The following KMT2D variants were observed in gnomAD, a reference collection of about 807,000 sequenced individuals.
KMT2D encodes the protein histone-lysine N-methyltransferase 2D.
In KMT2D, 55 loss-of-function variants were observed where a neutral mutation model predicts 512.7. That is an observed-to-expected ratio of 0.11 (90% CI 0.09 to 0.13). KMT2D has a LOEUF of 0.13. Ranked by LOEUF, KMT2D falls within the 10% of genes least tolerant of loss-of-function variation. KMT2D has a pLI of 1.00. For missense variants in KMT2D, 6,061 were observed against 7,127.9 expected, an observed-to-expected ratio of 0.85 and a Z score of 5.39; for synonymous variants, 2,995 against 2,904.0, an observed-to-expected ratio of 1.03 and a Z score of -1.01.
Position 49,042,890 on chromosome 12 carries a change from T to TGAA in KMT2D, c.5645-15_5645-13dup, listed in dbSNP as rs1466319937. The TGAA allele has an allele frequency of 3.1e-6, 5 of 1,613,516 alleles. No individual in the cohort carries two copies. Among genetic ancestry groups the TGAA allele is most frequent in the Non-Finnish European group, 4.2e-6 (5 of 1,179,658 alleles). On this transcript the variant is annotated splice_polypyrimidine_tract_variant and intron_variant, in intron 26 of 54. Transcript: ENST00000301067. This position sits in a 1 kb window ranked among gnomAD's most constrained non-coding sequence, Gnocchi z 4.4. ...CATCTTGGGCAGTTCTGTGGGGGAA[T>TGAA]GAAGGACACTGTTGAGGAAGACTGG...
intron 1 of KMT2D, 23 bp from the exon 2 acceptor site, chr12:49,055,384 C>T (rs1938348458): frequency 6.7e-7 from 1 of 1,485,872 alleles, no homozygotes; most frequent in Non-Finnish European, 9.3e-7. Flanking sequence ...AGAAAGAGAT[C>T]TATATGCCTA....
At chr12:49,034,527 GAA>G (rs1565781460) in intron 37 of KMT2D, 51 bp from the exon 38 acceptor site, 1 of 1,612,212 alleles carries the variant, frequency 6.2e-7, no homozygotes, top group East Asian at 2.2e-5. Context: ...TAGGCCCTAA[GAA>G]GGGTGGCCCA....
Position 49,032,456 on chromosome 12 carries a change from C to T in KMT2D, c.12249G>A (p.Gln4083=), listed in dbSNP as rs2120431474. The change falls in exon 40 of 55, where the codon CAG becomes CAA. Residue 4083 remains glutamine (Q), a synonymous_variant. Coordinates refer to ENST00000301067, the MANE Select transcript of KMT2D (RefSeq NM_003482.4). The part of the protein sequence containing the change: ...SQLLLVQPQP[Q]PQPSSLQLQP... The stretch of plus-strand genomic sequence containing the variant: ...GCAGCTGCAGAGAGCTGGGCTGAGG[C>T]TGGGGCTGGGGTTGGACAAGCAGGA... The T allele has an allele frequency of 6.4e-7, 1 of 1,568,148 alleles. No homozygotes were observed. The highest frequency in any genetic ancestry group is 2.4e-5 in the East Asian group (1 of 41,954).
At position 49,032,044 on chromosome 12, in the gene KMT2D, G is replaced by C; in HGVS notation, c.12661C>G (p.Gln4221Glu). Reference protein sequence around the residue: ...LRHLSPQQQQQLQALLMQRQL... With the variant: ...LRHLSPQQQQELQALLMQRQL... ...CGCTGCATGAGGAGTGCCTGTAGCT[G>C]CTGCTGCTGCTGAGGACTTAAGTGC... Residue 4221 changes from glutamine to glutamate, a missense_variant, in exon 40 of 55, where the codon CAG becomes GAG. By Grantham distance (29) the Gln-to-Glu change is conservative. Around this residue, in one of 16 missense-constraint regions of KMT2D, gnomAD observed 1,600 missense variants for 1,754.9 expected, o/e 0.91. Coordinates refer to ENST00000301067, the MANE Select transcript of KMT2D (RefSeq NM_003482.4). 1 of 1,613,404 alleles carries C rather than the reference G, an allele frequency of 6.2e-7. No homozygotes were observed. Among genetic ancestry groups the C allele is most frequent in the Non-Finnish European group, 8.5e-7 (1 of 1,179,558 alleles).
chr12:49,034,589 C>T lies in KMT2D; in HGVS notation c.10433G>A (p.Ser3478Asn), dbSNP rs748281405. 51 of 1,613,490 alleles carry T rather than the reference C, an allele frequency of 3.2e-5. 2 individuals carry two copies. The South Asian group carries it at 5.4e-4, about 17-fold the overall frequency. The change falls in exon 37 of 55, where the codon AGT becomes AAT. Residue 3478 changes from serine (S) to asparagine (N), a missense_variant. Physicochemically the swap from Ser to Asn is conservative, Grantham distance 46. This residue lies in a region of KMT2D where 533 missense variants were observed against 539.6 expected (regional missense o/e 0.99). Coordinates refer to ENST00000301067, the MANE Select transcript of KMT2D (RefSeq NM_003482.4). Reference protein sequence around the residue: ...SDLQNHVAAGSGQERSAGDPS... With the variant: ...SDLQNHVAAGNGQERSAGDPS... ...TCCCACCTGACCACTTACCTGGCCA[C>T]TCCCAGCTGCCACATGGTTCTGCAG...
At chr12:49,047,444 ACT>A (rs1943846256) in intron 15 of KMT2D, among the ~76,000 whole-genome samples, 1 of 109,558 alleles carries the variant, frequency 9.1e-6, no homozygotes, top group Non-Finnish European at 1.7e-5. Flanking sequence ...GACGGATCTC[ACT>A]CTGTTGCCCA....
At position 49,052,133 on chromosome 12, in the gene KMT2D, T is replaced by C; in HGVS notation, c.1550A>G (p.Glu517Gly). ...CTCTTCCGGTGGAGACAAGGGCGACTCCTCCAGTGGAGAAAAAGGTGATGA... is the reference window on the plus strand; with the variant it reads ...CTCTTCCGGTGGAGACAAGGGCGACCCCTCCAGTGGAGAAAAAGGTGATGA... Reference protein sequence around the residue: ...PESSPFSPLEESPLSPPEESP... With the variant: ...PESSPFSPLEGSPLSPPEESP... Residue 517 changes from glutamate to glycine, a missense_variant, in exon 11 of 55, where the codon GAG becomes GGG. By Grantham distance (98) the Glu-to-Gly change is moderately conservative (BLOSUM62 -2). This residue lies in a region of KMT2D where 848 missense variants were observed against 838.5 expected (regional missense o/e 1.01). Transcript: ENST00000301067. 6.2e-7 allele frequency: 1 copy of C among 1,612,566 alleles called. No individual in the cohort carries two copies. The highest frequency in any genetic ancestry group is 1.1e-5 in the South Asian group (1 of 91,026).
At position 49,031,602 on chromosome 12, in the gene KMT2D, G is replaced by A. The variant is rs200789125; in HGVS notation, c.13103C>T (p.Thr4368Ile). The A allele has an allele frequency of 1.9e-6, 3 of 1,599,470 alleles. No homozygotes were observed. Among genetic ancestry groups the A allele is most frequent in the Non-Finnish European group, 2.6e-6 (3 of 1,172,950 alleles). The change falls in exon 40 of 55, where the codon ACC (threonine) becomes ATC (isoleucine). Residue 4368 changes from threonine (T) to isoleucine (I), a missense_variant. Physicochemically the swap from Thr to Ile is moderately conservative, Grantham distance 89. Coordinates refer to ENST00000301067, the MANE Select transcript of KMT2D (RefSeq NM_003482.4). ...AGGTCCCAGACCCTTGCTAAACAAG[G>A]TATCTGCAAGCTGGGCAGCAGCAGG... is the stretch of plus-strand genomic sequence containing the variant. ...VSPAAAQLADTLFSKGLGPWD... is the reference protein window; with the variant it reads ...VSPAAAQLADILFSKGLGPWD...
rs772894297 is a variant in KMT2D, at chr12:49,039,233, A to G, written c.8355T>C (p.Asp2785=). ...TCCTGGAGCCTCACCGGCTGTTCAC[A>G]TCCATAGAGGAAGGCGTGGCTGGTG... is the stretch of plus-strand genomic sequence containing the variant. The part of the protein sequence containing the change: ...PPPPATPSSM[D]VNSRQLVGGS... Residue 2785 remains aspartate (D), a synonymous_variant, in exon 34 of 55, where the codon GAT becomes GAC. Coordinates refer to ENST00000301067, the MANE Select transcript of KMT2D (RefSeq NM_003482.4). The surrounding 1 kb of genome is among the most constrained non-coding windows in gnomAD (Gnocchi z 5.0). The G allele has an allele frequency of 1.2e-5, 19 of 1,613,638 alleles. No homozygotes were observed. In the South Asian group the frequency reaches 2.0e-4, roughly 17 times the overall value.
In KMT2D at chr12:49,031,762, G is replaced by C; in HGVS notation, c.12943C>G (p.Gln4315Glu). ...VHPTPPPSSPQEPKRPSQLPS... is the reference protein window; with the variant it reads ...VHPTPPPSSPEEPKRPSQLPS... ...AATTGTGAAGGTCTCTTTGGCTCTT[G>C]AGGGCTGGATGGTGGAGGTGTGGGA... The change falls in exon 40 of 55, where the codon CAA becomes GAA. Residue 4315 changes from glutamine to glutamate, a missense_variant. This residue lies in a region of KMT2D where 1,600 missense variants were observed against 1,754.9 expected (regional missense o/e 0.91). Coordinates refer to ENST00000301067, the MANE Select transcript of KMT2D (RefSeq NM_003482.4). 1 of 1,612,696 alleles carries C rather than the reference G, an allele frequency of 6.2e-7. No individual in the cohort carries two copies.
chr12:49,039,356 G>A lies in KMT2D; in HGVS notation c.8232C>T (p.Asp2744=). 2 of 1,612,012 alleles carry A rather than the reference G, an allele frequency of 1.2e-6. No individual in the cohort carries two copies. Among genetic ancestry groups the A allele is most frequent in the Non-Finnish European group, 8.5e-7 (1 of 1,179,008 alleles). ...GGGGCAACCCCACAAGGCTGCTCTTGTCCTAGAAGAGACAAGGTAGATGAA... is the reference window on the plus strand; with the variant it reads ...GGGGCAACCCCACAAGGCTGCTCTTATCCTAGAAGAGACAAGGTAGATGAA... ...RGQTPFAGTQ[D]KSSLVGLPPS... The change falls in exon 34 of 55, where the codon GAC becomes GAT. Residue 2744 remains aspartate (D), a splice_region_variant and synonymous_variant. Transcript: ENST00000301067. The surrounding 1 kb of genome is among the most constrained non-coding windows in gnomAD (Gnocchi z 5.0).
Position 49,057,201 on chromosome 12 carries a change from C to T in KMT2D, c.-37-1840G>A, listed in dbSNP as rs368101837. On this transcript the variant is annotated intron_variant, in intron 1 of 54. Transcript: ENST00000301067. ...TCCATTCAGTCATTCAAGGCCTGGC[C>T]ACACCCGGAAGGTCCAAGGGGCCCT... is the stretch of plus-strand genomic sequence containing the variant. Among the ~76,000 whole-genome samples the T allele has an allele frequency of 7.2e-5, 11 of 152,146 alleles. No homozygotes were observed. In the East Asian group the frequency reaches 1.5e-3, roughly 21 times the overall value.
At position 49,054,415 on chromosome 12, in the gene KMT2D, C is replaced by T. The variant is rs1170149588; in HGVS notation, c.402G>A (p.Gly134=). ...CACACCAATGGTGAGCCCAGCAGGA[C>T]CCTTTACAGGTGGGAAGAGGTAAAG... The part of the protein sequence containing the change: ...LTPAHLGEPG[G]SCWAHHWCAA... Residue 134 remains glycine (G), a splice_region_variant and synonymous_variant, in exon 5 of 55, where the codon GGG becomes GGA. Coordinates refer to ENST00000301067, the MANE Select transcript of KMT2D (RefSeq NM_003482.4). The surrounding 1 kb of genome is among the most constrained non-coding windows in gnomAD (Gnocchi z 6.4). 3 of 1,583,580 alleles carry T rather than the reference C, an allele frequency of 1.9e-6. No homozygotes were observed. Among genetic ancestry groups the T allele is most frequent in the Non-Finnish European group, 2.6e-6 (3 of 1,165,022 alleles).
rs1034335348 is a variant in KMT2D, at chr12:49,019,518, G to T, written c.*2262C>A. 2 of 225,742 alleles carry T rather than the reference G, an allele frequency of 8.9e-6. No individual in the cohort carries two copies. The highest frequency in any genetic ancestry group is 2.2e-5 in the African/African-American group (1 of 44,796). The allele number at this position is 225,742 out of a possible 1,614,324, so 14.0% of individuals were successfully genotyped here. The stretch of plus-strand genomic sequence containing the variant: ...AAGGTTTCTTCACTAAATTCTACAG[G>T]ACTATCGGATACCTAGCATATGCTT... On this transcript the variant is annotated 3_prime_UTR_variant, in exon 55 of 55. Coordinates refer to ENST00000301067, the MANE Select transcript of KMT2D (RefSeq NM_003482.4).
At position 49,022,586 on chromosome 12, in the gene KMT2D, A is replaced by G; in HGVS notation, c.16338+4T>C. ...ACCACAATGGCCCCTCTGCCAGCTC[A>G]TACCTGCTCTTCGTAGATTTTCTCC... On this transcript the variant is annotated splice_donor_region_variant and intron_variant, in intron 52 of 54. Coordinates refer to ENST00000301067, the MANE Select transcript of KMT2D (RefSeq NM_003482.4). The surrounding 1 kb of genome is among the most constrained non-coding windows in gnomAD (Gnocchi z 8.6). 6.2e-7 allele frequency: 1 copy of G among 1,612,522 alleles called. No individual in the cohort carries two copies. Among genetic ancestry groups the G allele is most frequent in the Non-Finnish European group, 8.5e-7 (1 of 1,178,894 alleles).
In KMT2D at chr12:49,041,693, C is replaced by T. The variant is rs1258914385; in HGVS notation, c.6196G>A (p.Asp2066Asn). Reference protein sequence around the residue: ...DKAPYLQKAKDNRAAHRINKV... With the variant: ...DKAPYLQKAKNNRAAHRINKV... ...TTGATGCGGTGAGCTGCCCGGTTAT[C>T]TTTGGCCTTTTGCTGAGGGATATGG... The change falls in exon 31 of 55, where the codon GAT (aspartate) becomes AAT (asparagine). Residue 2066 changes from aspartate (D) to asparagine (N), a missense_variant. Asp to Asn is a conservative substitution (Grantham distance 23). Coordinates refer to ENST00000301067, the MANE Select transcript of KMT2D (RefSeq NM_003482.4). This position sits in a 1 kb window ranked among gnomAD's most constrained non-coding sequence, Gnocchi z 5.4. The T allele has an allele frequency of 2.5e-6, 4 of 1,611,738 alleles. No homozygotes were observed. The highest frequency in any genetic ancestry group is 3.4e-6 in the Non-Finnish European group (4 of 1,178,848).
At position 49,028,944 on chromosome 12, in the gene KMT2D, T is replaced by G. The variant is rs765963400; in HGVS notation, c.14266A>C (p.Lys4756Gln). ...RASIPVFPDT[K>Q]PYGALGLEVP... ...TCCAGGCCAAGGGCCCCATAAGGTTTGGTATCTGGGAAGACTGAATGAGAA... is the reference window on the plus strand; with the variant it reads ...TCCAGGCCAAGGGCCCCATAAGGTTGGGTATCTGGGAAGACTGAATGAGAA... Residue 4756 changes from lysine (K) to glutamine (Q), a missense_variant, in exon 46 of 55, where the codon AAA becomes CAA. Around this residue, in one of 16 missense-constraint regions of KMT2D, gnomAD observed 1,600 missense variants for 1,754.9 expected, o/e 0.91. Transcript: ENST00000301067. 2.1e-5 allele frequency: 34 copies of G among 1,613,820 alleles called. No homozygotes were observed. The highest frequency in any genetic ancestry group is 2.7e-5 in the Non-Finnish European group (32 of 1,179,856).
Position 49,026,299 on chromosome 12 carries a change from T to G in KMT2D, c.15667A>C (p.Asn5223His). The change falls in exon 49 of 55, where the codon AAT becomes CAT. Residue 5223 changes from asparagine (N) to histidine (H), a missense_variant. Physicochemically the swap from Asn to His is moderately conservative, Grantham distance 68 (BLOSUM62 1). Around this residue, in one of 16 missense-constraint regions of KMT2D, gnomAD observed 261 missense variants for 440.7 expected, o/e 0.59. Transcript: ENST00000301067. This position sits in a 1 kb window ranked among gnomAD's most constrained non-coding sequence, Gnocchi z 9.6. ...TRIYWSLRTNNRRCCYRCSIG... is the reference protein window; with the variant it reads ...TRIYWSLRTNHRRCCYRCSIG... Reference sequence around the variant, plus strand: ...GAACAGCGATAGCAGCAGCGACGATTGTTGGTGCGGAGGCTCCAATAGATG... The same window carrying G: ...GAACAGCGATAGCAGCAGCGACGATGGTTGGTGCGGAGGCTCCAATAGATG... 6.2e-7 allele frequency: 1 copy of G among 1,611,860 alleles called. No homozygotes were observed. The highest frequency in any genetic ancestry group is 8.5e-7 in the Non-Finnish European group (1 of 1,178,078).
chr12:49,023,101 G>C (rs1942404487), intron 51 of KMT2D, among the ~76,000 whole-genome samples: 1 of 152,154 alleles, frequency 6.6e-6, no homozygotes, highest in Non-Finnish European at 1.5e-5. Flanking sequence ...GGGTGGCACA[G>C]AGAGCCCAGG....
Sources: allele counts gnomAD v4.1 joint callset (sites outside exome capture counted in the v4.1 genomes callset), GRCh38; gene constraint gnomAD v4.1.1; regional missense constraint gnomAD v4.1.1; non-coding constraint Gnocchi (gnomAD v3.1); transcripts MANE v1.5; gene names NCBI Gene and HGNC (gene_info 2026-07-23, HGNC 2026-07-21).